Variants in MEF2A observed in about 807,000 individuals in gnomAD.
MEF2A encodes myocyte enhancer factor 2A, also known as myocyte-specific enhancer factor 2A.
MEF2A carries 28 observed loss-of-function variants against 55.8 expected under a neutral mutation model. That is an observed-to-expected ratio of 0.50 (90% CI 0.37 to 0.69). The LOEUF (loss-of-function observed/expected upper bound fraction) is 0.69, where lower values mean the gene tolerates loss of function less well. Among genes scored for constraint, MEF2A ranks in the 30% least tolerant of loss-of-function variants. The pLI is 0.00. For missense variants in MEF2A, 528 were observed against 626.2 expected (o/e 0.84, Z 1.67); for synonymous variants, 239 against 227.1 (o/e 1.05, Z -0.47).
chr15:99,627,337 T>C (rs944672896), intron 2 of MEF2A, among the ~76,000 whole-genome samples: 48 of 139,332 alleles, frequency 3.4e-4, no homozygotes, highest in African/African-American at 1.3e-3. Context: ...GGAGAATCAC[T>C]TGAACCCAGG....
At chr15:99,673,374 GA>G (rs1426477633) in intron 5 of MEF2A, among the ~76,000 whole-genome samples, 1 of 151,968 alleles carries the variant, frequency 6.6e-6, no homozygotes, top group Admixed American at 6.6e-5. Flanking sequence ...TTTTACTTTT[GA>G]AAAAAATTGT....
intron 1 of MEF2A, among the ~76,000 whole-genome samples, chr15:99,580,102 T>TC (rs1965489380): frequency 6.6e-5 from 10 of 152,176 alleles, no homozygotes. Context: ...TGATGATCTT[T>TC]CCAGATGATC....
At chr15:99,650,504 A>G (rs1171702521) in intron 4 of MEF2A, among the ~76,000 whole-genome samples, 2 of 152,212 alleles carry the variant, frequency 1.3e-5, no homozygotes, top group African/African-American at 4.8e-5. Context: ...ATCTTATTGA[A>G]TCCTTACTGT....
At chr15:99,675,292 T>G in intron 6 of MEF2A, 107 bp from the exon 7 acceptor site, 1 of 980,930 alleles carries the variant, frequency 1.0e-6, no homozygotes, top group Non-Finnish European at 1.6e-6. Context: ...TGTGTCTTTT[T>G]AGGATTAGAG....
intron 7 of MEF2A, 113 bp from the exon 8 acceptor site, chr15:99,690,128 T>G: frequency 1.0e-6 from 1 of 982,388 alleles, no homozygotes; most frequent in East Asian, 2.6e-5. Flanking sequence ...AAACCTGTAG[T>G]GAGTTTTGTT....
At chr15:99,572,943 A>G (rs1221198718) in intron 1 of MEF2A, among the ~76,000 whole-genome samples, 1 of 152,160 alleles carries the variant, frequency 6.6e-6, no homozygotes, top group Non-Finnish European at 1.5e-5. Flanking sequence ...CTACCAACCA[A>G]CCTATTATAG....
At chr15:99,679,507 A>C (rs1255848034) in intron 7 of MEF2A, among the ~76,000 whole-genome samples, 1 of 152,236 alleles carries the variant, frequency 6.6e-6, no homozygotes, top group Non-Finnish European at 1.5e-5. Flanking sequence ...CAGGCCAAAA[A>C]AACTATAGTG....
intron 1 of MEF2A, among the ~76,000 whole-genome samples, chr15:99,582,517 A>G (rs1375544110): frequency 2.6e-5 from 4 of 152,066 alleles, no homozygotes; most frequent in Non-Finnish European, 1.5e-5. Context: ...TAATAGATGT[A>G]TACACACTGC....
At chr15:99,694,417 A>T (rs2056080314) in intron 8 of MEF2A, among the ~76,000 whole-genome samples, 1 of 152,196 alleles carries the variant, frequency 6.6e-6, no homozygotes, top group Admixed American at 6.5e-5. Flanking sequence ...TATTTCCCTT[A>T]TACTAATAAG....
intron 1 of MEF2A, among the ~76,000 whole-genome samples, chr15:99,581,633 C>T (rs1965967564): frequency 1.3e-5 from 2 of 152,120 alleles, no homozygotes; most frequent in African/African-American, 4.8e-5. Flanking sequence ...ATCTGTTTCT[C>T]ACTGTTTTAG....
At chr15:99,598,668 C>T (rs540739662) in intron 2 of MEF2A, among the ~76,000 whole-genome samples, 157 bp downstream of exon 2, 3 of 152,080 alleles carry the variant, frequency 2.0e-5, no homozygotes, top group African/African-American at 7.2e-5. Flanking sequence ...TTGTAAAATT[C>T]GGTTGAAATG....
chr15:99,609,993 T>G (rs1976555231), intron 2 of MEF2A, among the ~76,000 whole-genome samples: 1 of 152,132 alleles, frequency 6.6e-6, no homozygotes, highest in South Asian at 2.1e-4. Context: ...CACTTGGGTT[T>G]CTTACTTAGA....
At chr15:99,620,841 A>G (rs958942261) in intron 2 of MEF2A, 9 of 141,410 alleles carry the variant, frequency 6.4e-5, no homozygotes, top group Non-Finnish European at 1.1e-4. Flanking sequence ...CCTCACAAAC[A>G]TCTTTTTTTT....
rs144573397 is a variant in MEF2A, at chr15:99,590,193, A to G, written c.-224-8237A>G. Among the ~76,000 whole-genome samples, 5 of 152,046 alleles carry G rather than the reference A, an allele frequency of 3.3e-5. No individual in the cohort carries two copies. In the South Asian group the frequency reaches 8.3e-4, roughly 25 times the overall value. ...TATCATTGGCTGCATAAATGTTTAG[A>G]ATTATTTTGTAGTTTTGATAATTTG... is the stretch of plus-strand genomic sequence containing the variant. On this transcript the variant is annotated intron_variant, in intron 1 of 11. Transcript: ENST00000557942.
At chr15:99,701,640 G>T (rs1465319160) in intron 8 of MEF2A, among the ~76,000 whole-genome samples, 1 of 152,162 alleles carries the variant, frequency 6.6e-6, no homozygotes, top group African/African-American at 2.4e-5. Context: ...TTAACAATGT[G>T]GAAAGCTGAG....
rs1372728270 is a variant in MEF2A at position 99,714,396 on chromosome 15, G to C, written c.*1625G>C. ...AGGGGAAAATAATCATGGGGAAAGGGATCTTTTTTCCTTGACCCTCTGAAA... is the reference window on the plus strand; with the variant it reads ...AGGGGAAAATAATCATGGGGAAAGGCATCTTTTTTCCTTGACCCTCTGAAA... On this transcript the variant is annotated 3_prime_UTR_variant, in exon 12 of 12. Coordinates refer to ENST00000557942, the MANE Select transcript of MEF2A (RefSeq NM_001319206.4). 1.3e-5 allele frequency: 2 copies of C among 152,180 alleles called. No homozygotes were observed. The highest frequency in any genetic ancestry group is 1.3e-4 in the Admixed American group (2 of 15,280). The allele number at this position is 152,180 out of a possible 1,614,324, so 9.4% of individuals were successfully genotyped here.
chr15:99,602,640 C>G (rs1402590369), intron 2 of MEF2A, among the ~76,000 whole-genome samples: 1 of 136,570 alleles, frequency 7.3e-6, no homozygotes, highest in African/African-American at 2.7e-5. Flanking sequence ...TGGTGGTTGC[C>G]TGACATTCCT....
At chr15:99,626,455 G>C (rs1369447533) in intron 2 of MEF2A, among the ~76,000 whole-genome samples, 1 of 151,246 alleles carries the variant, frequency 6.6e-6, no homozygotes, top group African/African-American at 2.4e-5. Context: ...TTGTTTTTCT[G>C]TTATCTATTT....
intron 2 of MEF2A, among the ~76,000 whole-genome samples, chr15:99,607,518 A>G (rs1387691387): frequency 6.6e-6 from 1 of 152,184 alleles, no homozygotes; most frequent in Non-Finnish European, 1.5e-5. Flanking sequence ...GAGAACCGAG[A>G]TTATTTCTAG....
Sources: gnomAD v4.1 joint callset for allele counts (sites outside exome capture counted in the v4.1 genomes callset) on GRCh38, gnomAD v4.1.1 for gene constraint, MANE v1.5 for transcripts, NCBI Gene and HGNC (gene_info 2026-07-23, HGNC 2026-07-21) for gene names.